Variants in ZNF804B observed in about 807,000 individuals in gnomAD.
The protein encoded by ZNF804B is zinc finger protein 804B.
ZNF804B carries 80 observed loss-of-function variants against 101.4 expected under a neutral mutation model. The observed-to-expected ratio is 0.79, with a 90% confidence interval of 0.66 to 0.95. ZNF804B has a LOEUF of 0.95. Ranked by LOEUF, ZNF804B falls within the 40% of genes least tolerant of loss-of-function variation. The pLI, the probability that ZNF804B is intolerant of heterozygous loss-of-function variation, is 0.00. For synonymous variants in ZNF804B, 622 were observed against 558.8 expected (o/e 1.11, Z -1.59); for missense variants, 1,673 against 1,561.9 (o/e 1.07, Z -1.20).
intron 1 of ZNF804B, among the ~76,000 whole-genome samples, chr7:88,800,748 C>T (rs956686307): frequency 2.7e-5 from 4 of 148,520 alleles, no homozygotes; most frequent in Non-Finnish European, 4.5e-5. Context: ...AAAGCATAAA[C>T]AGCAGAGGGC....
At chr7:88,861,897 C>A (rs768350108) in intron 1 of ZNF804B, among the ~76,000 whole-genome samples, 5 of 152,086 alleles carry the variant, frequency 3.3e-5, no homozygotes, top group Non-Finnish European at 7.3e-5. Context: ...ATTATGGGAA[C>A]AAGAAGGAGA....
At chr7:88,842,293 C>T (rs1286419130) in intron 1 of ZNF804B, among the ~76,000 whole-genome samples, 2 of 152,112 alleles carry the variant, frequency 1.3e-5, no homozygotes, top group African/African-American at 2.4e-5. Context: ...TTGATTAGCT[C>T]CCACTCACTC....
At chr7:89,300,814 A>T (rs181423643) in intron 2 of ZNF804B, among the ~76,000 whole-genome samples, 1 of 151,996 alleles carries the variant, frequency 6.6e-6, no homozygotes, top group Admixed American at 6.6e-5. Context: ...GCTTAATCTG[A>T]AAAAAGTTTT....
chr7:89,164,541 G>A (rs1271125507), intron 1 of ZNF804B, among the ~76,000 whole-genome samples: 1 of 152,018 alleles, frequency 6.6e-6, no homozygotes, highest in Non-Finnish European at 1.5e-5. Context: ...TTTGATGGTT[G>A]GCACAGGGAC....
At chr7:88,993,937 T>A (rs954393407) in intron 1 of ZNF804B, among the ~76,000 whole-genome samples, 1 of 151,980 alleles carries the variant, frequency 6.6e-6, no homozygotes, top group Non-Finnish European at 1.5e-5. Context: ...ATATTAGATG[T>A]GTTTATTCTA....
chr7:89,120,625 T>C (rs1160351140), intron 1 of ZNF804B, among the ~76,000 whole-genome samples: 1 of 124,524 alleles, frequency 8.0e-6, no homozygotes, highest in Non-Finnish European at 1.6e-5. Context: ...GCCACTGCAC[T>C]CCAGCCTGGG....
intron 1 of ZNF804B, among the ~76,000 whole-genome samples, chr7:89,191,027 T>C (rs35483468): frequency 0.18 from 26,670 of 152,144 alleles, 2,430 homozygotes; most frequent in Middle Eastern, 0.29. Flanking sequence ...TTCAGTGATC[T>C]GCAACTGAAC....
intron 1 of ZNF804B, among the ~76,000 whole-genome samples, chr7:88,828,381 T>C (rs952111496): frequency 6.6e-6 from 1 of 151,320 alleles, no homozygotes; most frequent in Admixed American, 6.6e-5. Context: ...ATTCAGTGTA[T>C]TTTTTTTTCC....
At chr7:89,053,998 C>A (rs1420448796) in intron 1 of ZNF804B, among the ~76,000 whole-genome samples, 1 of 152,010 alleles carries the variant, frequency 6.6e-6, no homozygotes, top group Non-Finnish European at 1.5e-5. Flanking sequence ...GCTTTAACCT[C>A]TTTTAACCTG....
chr7:89,136,788 G>C (rs774579869), intron 1 of ZNF804B, among the ~76,000 whole-genome samples: 2 of 150,494 alleles, frequency 1.3e-5, no homozygotes, highest in African/African-American at 2.4e-5. Flanking sequence ...TGATGATTTG[G>C]CTATGTCCCC....
intron 1 of ZNF804B, among the ~76,000 whole-genome samples, chr7:88,960,470 T>C (rs897178397): frequency 2.0e-5 from 3 of 150,972 alleles, no homozygotes; most frequent in African/African-American, 7.3e-5. Context: ...ATTTGAGATA[T>C]TTGGGCATGA....
At chr7:89,078,473 G>C (rs1454407455) in intron 1 of ZNF804B, among the ~76,000 whole-genome samples, 1 of 151,624 alleles carries the variant, frequency 6.6e-6, no homozygotes, top group Non-Finnish European at 1.5e-5. Context: ...TTCTTCATTT[G>C]GGCTAGGAAA....
chr7:88,806,317 A>G (rs748172788), intron 1 of ZNF804B, among the ~76,000 whole-genome samples: 4 of 152,162 alleles, frequency 2.6e-5, no homozygotes, highest in Non-Finnish European at 5.9e-5. Flanking sequence ...ACTTGAGTAT[A>G]GATTGCAGTT....
chr7:89,311,177 A>G (rs1337450297), intron 2 of ZNF804B, among the ~76,000 whole-genome samples: 1 of 152,204 alleles, frequency 6.6e-6, no homozygotes, highest in Non-Finnish European at 1.5e-5. Context: ...CTACATTATA[A>G]TGCTTGGAAG....
chr7:89,156,015 C>CTCT (rs1790958468), intron 1 of ZNF804B, among the ~76,000 whole-genome samples: 6 of 85,450 alleles, frequency 7.0e-5, no homozygotes, highest in East Asian at 2.7e-4. Flanking sequence ...TTCTTTCTCT[C>CTCT]TTTCCTTTCT....
intron 1 of ZNF804B, among the ~76,000 whole-genome samples, chr7:88,837,370 A>T (rs186624885): frequency 2.6e-5 from 4 of 152,096 alleles, no homozygotes; most frequent in Admixed American, 2.6e-4. Context: ...CTGTGAGTTG[A>T]GAGCTTCCCA....
At chr7:88,976,193 C>T (rs569908358) in intron 1 of ZNF804B, among the ~76,000 whole-genome samples, 25 of 151,500 alleles carry the variant, frequency 1.7e-4, no homozygotes, top group African/African-American at 4.6e-4. Flanking sequence ...GTAATTCTTC[C>T]GTTTTTGTTC....
At chr7:89,310,122 C>G (rs1387408232) in intron 2 of ZNF804B, among the ~76,000 whole-genome samples, 2 of 151,694 alleles carry the variant, frequency 1.3e-5, no homozygotes, top group African/African-American at 4.8e-5. Context: ...TGCTCTGAGC[C>G]CTTCTTCCTG....
rs182708095 is a variant in ZNF804B, at chr7:88,946,943, T to C, written c.108+186859T>C. Among the ~76,000 whole-genome samples, 724 of 152,000 alleles carry C rather than the reference T, an allele frequency of 4.8e-3. 9 individuals carry two copies. Among genetic ancestry groups the C allele is most frequent in the African/African-American group, 0.017 (704 of 41,504 alleles). On this transcript the variant is annotated intron_variant, in intron 1 of 3. Transcript: ENST00000333190. ...TCATCATCACTTGTCATTAGAGAAATGCAAATCAAAACCATAATGAGATAC... is the reference window on the plus strand; with the variant it reads ...TCATCATCACTTGTCATTAGAGAAACGCAAATCAAAACCATAATGAGATAC...
Sources: allele counts gnomAD v4.1 joint callset (sites outside exome capture counted in the v4.1 genomes callset), GRCh38; gene constraint gnomAD v4.1.1; transcripts MANE v1.5; gene names NCBI Gene and HGNC (gene_info 2026-07-23, HGNC 2026-07-21).